The following INPP4B variants were observed in gnomAD, a reference collection of about 807,000 sequenced individuals.
INPP4B encodes inositol polyphosphate-4-phosphatase type II B.
A neutral mutation model predicts 122.5 loss-of-function variants in INPP4B; 55 were observed. The observed-to-expected ratio is 0.45, with a 90% confidence interval of 0.36 to 0.56. The LOEUF is 0.56. Among genes scored for constraint, INPP4B ranks in the 20% least tolerant of loss-of-function variants. INPP4B has a pLI of 0.00. For synonymous variants in INPP4B, 403 were observed against 388.7 expected (o/e 1.04, Z -0.43); for missense variants, 1,000 against 1,097.7 (o/e 0.91, Z 1.26).
At chr4:142,319,167 T>C (rs907078694) in intron 7 of INPP4B, among the ~76,000 whole-genome samples, 2 of 152,172 alleles carry the variant, frequency 1.3e-5, no homozygotes, top group African/African-American at 4.8e-5. Flanking sequence ...CTGGACCTCA[T>C]GCAAGTGCAT....
intron 2 of INPP4B, among the ~76,000 whole-genome samples, chr4:142,511,200 AG>A: frequency 6.6e-6 from 1 of 152,166 alleles, no homozygotes; most frequent in East Asian, 1.9e-4. Context: ...TTCAAGTCAA[AG>A]AATAAAATCT....
chr4:142,061,853 C>CAT (rs200861124), intron 25 of INPP4B, among the ~76,000 whole-genome samples: 3,549 of 102,900 alleles, frequency 0.034, 219 homozygotes, highest in African/African-American at 0.12. Flanking sequence ...TACATATATA[C>CAT]ATATATATAT....
chr4:142,717,000 T>C (rs1005577060), intron 2 of INPP4B, among the ~76,000 whole-genome samples: 4 of 152,254 alleles, frequency 2.6e-5, no homozygotes, highest in Non-Finnish European at 4.4e-5. Context: ...ATGGTTACTA[T>C]GATCAATCTT....
intron 11 of INPP4B, among the ~76,000 whole-genome samples, chr4:142,252,431 G>A (rs113000489): frequency 7.2e-5 from 11 of 151,876 alleles, no homozygotes; most frequent in East Asian, 5.8e-4. Flanking sequence ...CTCGTGATCC[G>A]CCCGCCTCGG....
intron 7 of INPP4B, among the ~76,000 whole-genome samples, chr4:142,317,736 T>C: frequency 6.6e-6 from 1 of 152,306 alleles, no homozygotes. Context: ...CACTTTTTCC[T>C]CCAACTCTTC....
intron 15 of INPP4B, among the ~76,000 whole-genome samples, chr4:142,190,013 C>A (rs1254116921): frequency 6.6e-6 from 1 of 151,988 alleles, no homozygotes; most frequent in Non-Finnish European, 1.5e-5. Flanking sequence ...CATTATGTGG[C>A]CAATGTATTA....
At chr4:142,265,036 T>C (rs967407288) in intron 10 of INPP4B, among the ~76,000 whole-genome samples, 3 of 151,810 alleles carry the variant, frequency 2.0e-5, no homozygotes, top group Admixed American at 6.6e-5. Context: ...ACACAGAAGA[T>C]AGACCATCTG....
chr4:142,730,096 C>T (rs893054290), intron 1 of INPP4B, among the ~76,000 whole-genome samples: 1 of 152,128 alleles, frequency 6.6e-6, no homozygotes, highest in East Asian at 1.9e-4. Context: ...ATTTCGAGTA[C>T]ACCTTCAGTT....
At chr4:142,347,419 A>G (rs1478333317) in intron 7 of INPP4B, 1 of 392,756 alleles carries the variant, frequency 2.5e-6, no homozygotes, top group Non-Finnish European at 5.0e-6. Flanking sequence ...TGCAGCCCTT[A>G]TCTTTATGAA....
At chr4:142,524,436 T>C (rs1175723366) in intron 2 of INPP4B, among the ~76,000 whole-genome samples, 3 of 152,090 alleles carry the variant, frequency 2.0e-5, no homozygotes, top group Non-Finnish European at 4.4e-5. Flanking sequence ...CATGTGTTTT[T>C]TGGCTGCATA....
At chr4:142,752,727 C>A (rs1769919130) in intron 1 of INPP4B, among the ~76,000 whole-genome samples, 1 of 152,040 alleles carries the variant, frequency 6.6e-6, no homozygotes, top group Non-Finnish European at 1.5e-5. Flanking sequence ...CAGTTACTAG[C>A]GGCCTGACAG....
chr4:142,787,655 T>C lies in INPP4B; in HGVS notation c.-254+58554A>G, dbSNP rs183155686. Among the ~76,000 whole-genome samples, 52 of 152,144 alleles carry C rather than the reference T, an allele frequency of 3.4e-4. No homozygotes were observed. In the East Asian group the frequency reaches 5.8e-3, roughly 17 times the overall value. On this transcript the variant is annotated intron_variant, in intron 1 of 25. Coordinates refer to ENST00000262992, the MANE Select transcript of INPP4B (RefSeq NM_001101669.3). ...ATGCAGCAATAGTTGGGAATTACAA[T>C]GGTTAATTACAAATTTATATCCAAA...
At chr4:142,798,178 G>A (rs1269756760) in intron 1 of INPP4B, among the ~76,000 whole-genome samples, 1 of 151,818 alleles carries the variant, frequency 6.6e-6, no homozygotes, top group Non-Finnish European at 1.5e-5. Flanking sequence ...ACAGGAGAGG[G>A]AAGAAGAGAA....
At chr4:142,249,632 T>C (rs555490094) in intron 11 of INPP4B, among the ~76,000 whole-genome samples, 5 of 152,290 alleles carry the variant, frequency 3.3e-5, no homozygotes, top group Admixed American at 2.6e-4. Flanking sequence ...AAAAACTGTT[T>C]AGGTTAATTT....
chr4:142,735,722 T>C (rs1226433328), intron 1 of INPP4B, among the ~76,000 whole-genome samples: 1 of 152,190 alleles, frequency 6.6e-6, no homozygotes, highest in Non-Finnish European at 1.5e-5. Flanking sequence ...GTCTTATTAT[T>C]AGAATGTATT....
chr4:142,250,190 C>T (rs1221752038), intron 11 of INPP4B, among the ~76,000 whole-genome samples: 1 of 152,166 alleles, frequency 6.6e-6, no homozygotes, highest in Non-Finnish European at 1.5e-5. Context: ...TCCTTCCACC[C>T]TAAATTCACC....
At chr4:142,554,638 A>G (rs565804344) in intron 2 of INPP4B, among the ~76,000 whole-genome samples, 3 of 152,284 alleles carry the variant, frequency 2.0e-5, no homozygotes, top group South Asian at 2.1e-4. Context: ...CCCACTCTGA[A>G]CCTTAAACTA....
At position 142,082,025 on chromosome 4, in the gene INPP4B, A is replaced by C; in HGVS notation, c.2642+6T>G. On this transcript the variant is annotated splice_donor_region_variant and intron_variant, in intron 25 of 25. Transcript: ENST00000262992. ...AAGAAAAAAACTTGAAAAACATGTG[A>C]GATACCTTCTCATGCAATCCAGCGC... 2 of 1,428,592 alleles carry C rather than the reference A, an allele frequency of 1.4e-6. No individual in the cohort carries two copies. Among genetic ancestry groups the C allele is most frequent in the Non-Finnish European group, 1.9e-6 (2 of 1,072,336 alleles). 88.5% of individuals were successfully genotyped at this position (1,428,592 alleles called of 1,614,324 possible).
At chr4:142,807,197 T>C (rs1778971077) in intron 1 of INPP4B, among the ~76,000 whole-genome samples, 1 of 152,034 alleles carries the variant, frequency 6.6e-6, no homozygotes, top group South Asian at 2.1e-4. Flanking sequence ...GCAAATATTG[T>C]AAGGGAGGCG....
Sources: gnomAD v4.1 joint callset for allele counts (sites outside exome capture counted in the v4.1 genomes callset) on GRCh38, gnomAD v4.1.1 for gene constraint, MANE v1.5 for transcripts, NCBI Gene and HGNC (gene_info 2026-07-23, HGNC 2026-07-21) for gene names.